CNTNAP2: variants seen among roughly 807,000 people sequenced by gnomAD.
The protein encoded by CNTNAP2 is contactin-associated protein-like 2.
A neutral mutation model predicts 155.2 loss-of-function variants in CNTNAP2; 98 were observed. The observed-to-expected ratio is 0.63, with a 90% CI of 0.54 to 0.75. CNTNAP2 has a LOEUF of 0.75. Among genes scored for constraint, CNTNAP2 ranks in the 30% least tolerant of loss-of-function variants. The pLI is 0.00. For synonymous variants in CNTNAP2, 651 were observed against 631.2 expected (o/e 1.03, Z -0.47); for missense variants, 1,727 against 1,688.1 (o/e 1.02, Z -0.40).
At chr7:147,726,581 G>A (rs1796648378) in intron 13 of CNTNAP2, among the ~76,000 whole-genome samples, 1 of 151,990 alleles carries the variant, frequency 6.6e-6, no homozygotes, top group Non-Finnish European at 1.5e-5. Context: ...CTGGGCAGCA[G>A]CAAGGGTCCG....
At chr7:147,369,818 C>T (rs1525225) in intron 9 of CNTNAP2, among the ~76,000 whole-genome samples, 35,026 of 152,040 alleles carry the variant, frequency 0.23, 4,356 homozygotes, top group Non-Finnish European at 0.28. Context: ...GTCTTCCAGG[C>T]TTTAATTCTG....
intron 9 of CNTNAP2, among the ~76,000 whole-genome samples, chr7:147,356,389 C>A (rs764851543): frequency 2.6e-5 from 4 of 152,064 alleles, no homozygotes; most frequent in Admixed American, 2.0e-4. Flanking sequence ...GGGATGGCCT[C>A]TCTCACCACT....
At chr7:147,799,146 T>G in intron 13 of CNTNAP2, among the ~76,000 whole-genome samples, 1 of 152,158 alleles carries the variant, frequency 6.6e-6, no homozygotes, top group East Asian at 1.9e-4. Context: ...AGCAGTTCTG[T>G]GAGTCACTTC....
At chr7:146,884,182 T>C (rs958234297) in intron 3 of CNTNAP2, among the ~76,000 whole-genome samples, 12 of 152,148 alleles carry the variant, frequency 7.9e-5, no homozygotes, top group Non-Finnish European at 1.6e-4. Flanking sequence ...TCCAGGTATA[T>C]GAAAAGTTGG....
At chr7:147,523,609 C>T (rs1264104569) in intron 11 of CNTNAP2, among the ~76,000 whole-genome samples, 1 of 152,202 alleles carries the variant, frequency 6.6e-6, no homozygotes, top group Non-Finnish European at 1.5e-5. Context: ...TCCCTCCACA[C>T]AGCTGAGCCT....
intron 20 of CNTNAP2, among the ~76,000 whole-genome samples, chr7:148,233,120 G>T (rs1795990667): frequency 6.6e-6 from 1 of 152,232 alleles, no homozygotes; most frequent in East Asian, 1.9e-4. Flanking sequence ...GGTGCAGCCA[G>T]AGAGCACCTG....
intron 9 of CNTNAP2, among the ~76,000 whole-genome samples, chr7:147,364,318 CT>C (rs1456477112): frequency 6.6e-6 from 1 of 152,150 alleles, no homozygotes; most frequent in Non-Finnish European, 1.5e-5. Flanking sequence ...ACACTGAACA[CT>C]TAGAAAATTA....
At chr7:146,334,430 C>CAAAAAAA (rs1179295401) in intron 1 of CNTNAP2, among the ~76,000 whole-genome samples, 1 of 94,028 alleles carries the variant, frequency 1.1e-5, no homozygotes. Context: ...GACTCCGTCT[C>CAAAAAAA]AAAAAAAAAA....
intron 11 of CNTNAP2, among the ~76,000 whole-genome samples, chr7:147,497,950 A>G (rs1479312897): frequency 1.3e-5 from 2 of 152,140 alleles, no homozygotes; most frequent in Admixed American, 1.3e-4. Context: ...GCAAAATAAC[A>G]TTTTCTGGAC....
At chr7:146,342,936 C>G (rs889297258) in intron 1 of CNTNAP2, among the ~76,000 whole-genome samples, 1 of 152,208 alleles carries the variant, frequency 6.6e-6, no homozygotes, top group Non-Finnish European at 1.5e-5. Flanking sequence ...AGAATTGCTT[C>G]TCAAGCACAC....
At chr7:147,387,093 C>T (rs771385930) in intron 9 of CNTNAP2, among the ~76,000 whole-genome samples, 3 of 152,014 alleles carry the variant, frequency 2.0e-5, no homozygotes, top group Non-Finnish European at 4.4e-5. Context: ...AAAGACCCAC[C>T]CCCATGACTC....
chr7:147,543,742 A>C (rs1454961101), intron 11 of CNTNAP2, among the ~76,000 whole-genome samples: 1 of 152,150 alleles, frequency 6.6e-6, no homozygotes, highest in African/African-American at 2.4e-5. Context: ...GTTTGGGTAT[A>C]TCCATCTCTC....
At chr7:146,821,119 A>G (rs982593157) in intron 2 of CNTNAP2, among the ~76,000 whole-genome samples, 6 of 151,974 alleles carry the variant, frequency 3.9e-5, no homozygotes, top group South Asian at 2.1e-4. Context: ...TCTTTATCCA[A>G]TTTGCCAGTC....
At chr7:146,513,959 A>G (rs935675020) in intron 1 of CNTNAP2, among the ~76,000 whole-genome samples, 2 of 151,960 alleles carry the variant, frequency 1.3e-5, no homozygotes, top group Non-Finnish European at 2.9e-5. Flanking sequence ...TGAGTATAGT[A>G]TGTTTTGTTT....
At chr7:146,611,810 C>G (rs904647546) in intron 1 of CNTNAP2, among the ~76,000 whole-genome samples, 1 of 152,150 alleles carries the variant, frequency 6.6e-6, no homozygotes, top group Non-Finnish European at 1.5e-5. Context: ...TTCAGACTAT[C>G]TTGATATTCA....
intron 13 of CNTNAP2, among the ~76,000 whole-genome samples, chr7:147,734,983 A>ATTT (rs144986879): frequency 2.7e-5 from 4 of 148,580 alleles, no homozygotes; most frequent in African/African-American, 9.9e-5. Flanking sequence ...GGATTCATTG[A>ATTT]TTTTTTTTTT....
intron 15 of CNTNAP2, among the ~76,000 whole-genome samples, chr7:148,030,450 T>C (rs2116461009): frequency 6.6e-6 from 1 of 152,326 alleles, no homozygotes; most frequent in South Asian, 2.1e-4. Context: ...TGCAGTTATC[T>C]ACCAATGGGG....
intron 13 of CNTNAP2, among the ~76,000 whole-genome samples, chr7:147,861,193 A>G (rs1199167728): frequency 6.6e-6 from 1 of 152,212 alleles, no homozygotes; most frequent in African/African-American, 2.4e-5. Flanking sequence ...TTTCTGTCAA[A>G]GCAGGAATAC....
At chr7:148,132,619 A>C (rs1433339288) in intron 16 of CNTNAP2, among the ~76,000 whole-genome samples, 1 of 152,178 alleles carries the variant, frequency 6.6e-6, no homozygotes, top group Non-Finnish European at 1.5e-5. Flanking sequence ...AGGCCATGAG[A>C]TGTAGAATAG....
Sources: gnomAD v4.1 joint callset for allele counts (sites outside exome capture counted in the v4.1 genomes callset) on GRCh38, gnomAD v4.1.1 for gene constraint, MANE v1.5 for transcripts, NCBI Gene and HGNC (gene_info 2026-07-23, HGNC 2026-07-21) for gene names.